The following GUCY1A1 variants were observed in gnomAD, a reference collection of about 807,000 sequenced individuals.
GUCY1A1 encodes the protein guanylate cyclase 1 soluble subunit alpha 1.
GUCY1A1 carries 48 observed loss-of-function variants against 64.5 expected under a neutral mutation model. The observed-to-expected ratio is 0.74, with a 90% CI of 0.59 to 0.95. The LOEUF is 0.95. Ranked by LOEUF, GUCY1A1 falls within the 40% of genes least tolerant of loss-of-function variation. The pLI is 0.00. For synonymous variants in GUCY1A1, 308 were observed against 303.4 expected (o/e 1.02, Z -0.16); for missense variants, 804 against 825.3 (o/e 0.97, Z 0.32).
intron 2 of GUCY1A1, among the ~76,000 whole-genome samples, chr4:155,674,211 C>T (rs1355000007): frequency 3.3e-5 from 5 of 151,032 alleles, no homozygotes; most frequent in Non-Finnish European, 4.4e-5. Flanking sequence ...AAAAATTAGC[C>T]GGGCATGGTG....
At chr4:155,723,058 T>A (rs1734182375) in intron 9 of GUCY1A1, among the ~76,000 whole-genome samples, 1 of 152,164 alleles carries the variant, frequency 6.6e-6, no homozygotes, top group Admixed American at 6.6e-5. Flanking sequence ...AAGATTGATT[T>A]TTCTGGGGCC....
At chr4:155,695,480 C>A (rs1432923377) in intron 2 of GUCY1A1, among the ~76,000 whole-genome samples, 1 of 152,082 alleles carries the variant, frequency 6.6e-6, no homozygotes, top group African/African-American at 2.4e-5. Context: ...AATTTGTAAA[C>A]CATATTTTGA....
chr4:155,719,372 A>G (rs753109627), intron 8 of GUCY1A1, among the ~76,000 whole-genome samples: 5 of 152,116 alleles, frequency 3.3e-5, no homozygotes, highest in African/African-American at 4.8e-5. Flanking sequence ...ATGTATCAGA[A>G]AGGAGCATAT....
chr4:155,718,943 T>G (rs897710232), intron 8 of GUCY1A1, among the ~76,000 whole-genome samples: 6 of 152,180 alleles, frequency 3.9e-5, no homozygotes, highest in Non-Finnish European at 5.9e-5. Context: ...ATAATTGCAT[T>G]TTTTTAGAGG....
Position 155,687,091 on chromosome 4 carries a change from TA to T in GUCY1A1, c.-112-9663del, listed in dbSNP as rs576063370. 2.2e-3 allele frequency among the ~76,000 whole-genome samples: 336 copies of T among 152,324 alleles called. 1 individual carries two copies. The highest frequency in any genetic ancestry group is 3.9e-3 in the Non-Finnish European group (265 of 68,030). On this transcript the variant is annotated intron_variant, in intron 2 of 9. Transcript: ENST00000506455. ...TTGATGCATGAAAAAAATGGTTTCA[TA>T]AGTATAAAACATTAAGGAATCTTTC...
At chr4:155,712,971 G>T (rs1375648967) in intron 6 of GUCY1A1, 127 bp from the exon 7 acceptor site, 8 of 736,552 alleles carry the variant, frequency 1.1e-5, no homozygotes, top group African/African-American at 1.8e-5. Context: ...CTATAAGAAA[G>T]CAAATTGTTC....
chr4:155,686,322 A>G (rs898288556), intron 2 of GUCY1A1, among the ~76,000 whole-genome samples: 5 of 149,802 alleles, frequency 3.3e-5, no homozygotes, highest in Non-Finnish European at 7.4e-5. Context: ...CTAAAATACA[A>G]AAAAAAAAAT....
At chr4:155,710,397 G>C in intron 5 of GUCY1A1, 145 bp from the exon 6 acceptor site, 1 of 576,954 alleles carries the variant, frequency 1.7e-6, no homozygotes, top group Non-Finnish European at 3.1e-6. Flanking sequence ...TTTGGATATA[G>C]GGGTTTCATT....
intron 2 of GUCY1A1, among the ~76,000 whole-genome samples, chr4:155,686,108 C>T (rs951634022): frequency 6.6e-6 from 1 of 152,150 alleles, no homozygotes; most frequent in East Asian, 1.9e-4. Flanking sequence ...GTGAACATGC[C>T]AATTAGTGTC....
intron 2 of GUCY1A1, among the ~76,000 whole-genome samples, chr4:155,689,787 G>A (rs549252085): frequency 1.3e-5 from 2 of 152,278 alleles, no homozygotes; most frequent in East Asian, 1.9e-4. Context: ...GCCACCCGGC[G>A]AGTCGGGGGG....
At chr4:155,705,518 CGACAGAGTGA>C (rs1731634797) in intron 4 of GUCY1A1, among the ~76,000 whole-genome samples, 1 of 131,898 alleles carries the variant, frequency 7.6e-6, no homozygotes, top group African/African-American at 2.9e-5. Flanking sequence ...CCAGCCTGGG[CGACAGAGTGA>C]GACTCCATCT....
chr4:155,673,366 ACATGTCAG>A (rs2126521574), intron 2 of GUCY1A1, among the ~76,000 whole-genome samples: 1 of 151,724 alleles, frequency 6.6e-6, no homozygotes, highest in South Asian at 2.1e-4. Context: ...TCAGAATTAT[ACATGTCAG>A]CACTTAACAA....
chr4:155,681,770 C>CTT (rs1735808720), intron 2 of GUCY1A1, among the ~76,000 whole-genome samples: 2 of 152,154 alleles, frequency 1.3e-5, no homozygotes, highest in Non-Finnish European at 2.9e-5. Flanking sequence ...GCCTCTTGAT[C>CTT]TTAAACAGTT....
chr4:155,690,062 A>C (rs1326546923), intron 2 of GUCY1A1, among the ~76,000 whole-genome samples: 1 of 152,222 alleles, frequency 6.6e-6, no homozygotes, highest in African/African-American at 2.4e-5. Flanking sequence ...CCAAAATGAG[A>C]TTTTAACAGA....
At chr4:155,671,254 T>C (rs1560905595) in intron 2 of GUCY1A1, among the ~76,000 whole-genome samples, 1 of 152,184 alleles carries the variant, frequency 6.6e-6, no homozygotes, top group Non-Finnish European at 1.5e-5. Flanking sequence ...TGTTATTTAT[T>C]TCACCAACAA....
At chr4:155,706,247 A>C (rs1294187245) in intron 4 of GUCY1A1, among the ~76,000 whole-genome samples, 1 of 152,228 alleles carries the variant, frequency 6.6e-6, no homozygotes, top group African/African-American at 2.4e-5. Context: ...TCAGTTGTTG[A>C]AACAAGATTT....
At position 155,708,223 on chromosome 4, in the gene GUCY1A1, G is replaced by A. The variant is rs755470793; in HGVS notation, c.318-13G>A. The A allele has an allele frequency of 4.7e-6, 6 of 1,284,812 alleles. No homozygotes were observed. Among genetic ancestry groups the A allele is most frequent in the South Asian group, 1.2e-5 (1 of 83,442 alleles). The allele number at this position is 1,284,812 out of a possible 1,614,324, so 79.6% of individuals were successfully genotyped here. A position where few individuals can be genotyped will look rare whatever the true frequency, so the allele number is the denominator to read the frequency against. ...TTATAAGTTTATAACTTAAAATATT[G>A]AAATATTTCCAGGAAATCTTTGGAA... On this transcript the variant is annotated splice_polypyrimidine_tract_variant and intron_variant, in intron 4 of 9. Transcript: ENST00000506455.
At chr4:155,684,853 A>T (rs960377954) in intron 2 of GUCY1A1, among the ~76,000 whole-genome samples, 2 of 152,176 alleles carry the variant, frequency 1.3e-5, no homozygotes, top group African/African-American at 4.8e-5. Flanking sequence ...AGCATCTCTC[A>T]TGCCTTCATT....
chr4:155,698,938 G>T (rs556056724), intron 3 of GUCY1A1, among the ~76,000 whole-genome samples: 17 of 152,094 alleles, frequency 1.1e-4, no homozygotes, highest in African/African-American at 3.9e-4. Flanking sequence ...TTTACATTTT[G>T]CTCATGCATA....
Sources: allele counts gnomAD v4.1 joint callset (sites outside exome capture counted in the v4.1 genomes callset), GRCh38; gene constraint gnomAD v4.1.1; transcripts MANE v1.5; gene names NCBI Gene and HGNC (gene_info 2026-07-23, HGNC 2026-07-21).